COL4A5: variants seen among roughly 807,000 people sequenced by gnomAD.
COL4A5 encodes collagen type IV alpha 5 chain.
COL4A5 carries 26 observed loss-of-function variants against 130.2 expected under a neutral mutation model. The observed-to-expected ratio is 0.20, with a 90% CI of 0.15 to 0.28. The LOEUF (loss-of-function observed/expected upper bound fraction) is 0.28, where lower values mean the gene tolerates loss of function less well. Ranked by LOEUF, COL4A5 falls within the 10% of genes least tolerant of loss-of-function variation. The pLI is 1.00. For missense variants in COL4A5, 1,131 were observed against 1,344.3 expected, an observed-to-expected ratio of 0.84 and a Z score of 2.48; for synonymous variants, 496 against 439.6, an observed-to-expected ratio of 1.13 and a Z score of -1.60.
chrX:108,595,707 T>C, intron 22 of COL4A5, 106 bp downstream of exon 22: 1 of 601,826 alleles, frequency 1.7e-6, no homozygotes, highest in Non-Finnish European at 2.6e-6. Flanking sequence ...TAGTCACTCA[T>C]ATCTATAAAG....
intron 1 of COL4A5, among the ~76,000 whole-genome samples, chrX:108,492,882 T>C (rs978240244): frequency 9.0e-6 from 1 of 111,307 alleles, no homozygotes; most frequent in Admixed American, 9.6e-5. Context: ...TTTTGGTCTC[T>C]GACTTTAGAT....
rs376301165 is a variant in COL4A5, at chrX:108,519,201, G to C, written c.82-20545G>C. 6.3e-5 allele frequency among the ~76,000 whole-genome samples: 7 copies of C among 111,199 alleles called. No individual in the cohort carries two copies. In the East Asian group the frequency reaches 1.1e-3, roughly 18 times the overall value. On this transcript the variant is annotated intron_variant, in intron 1 of 52. Coordinates refer to ENST00000328300, the MANE Select transcript of COL4A5 (RefSeq NM_033380.3). ...AAATTTTCATCCTTGGACTAGTAAA[G>C]AATGGTCAGTCCACAAAAACAAAAT...
intron 19 of COL4A5, among the ~76,000 whole-genome samples, chrX:108,589,519 CTA>C (rs950050988): frequency 2.7e-5 from 3 of 110,848 alleles, no homozygotes; most frequent in African/African-American, 9.8e-5. Flanking sequence ...TTAAAAATAC[CTA>C]TATATAGTGC....
chrX:108,466,869 A>C (rs2064711621), intron 1 of COL4A5, among the ~76,000 whole-genome samples: 1 of 110,365 alleles, frequency 9.1e-6, no homozygotes, highest in Non-Finnish European at 1.9e-5. Flanking sequence ...CCCTATTTTC[A>C]AGTTGGGCCG....
chrX:108,638,192 A>T (rs1389645652), intron 36 of COL4A5, among the ~76,000 whole-genome samples: 2 of 111,349 alleles, frequency 1.8e-5, no homozygotes, highest in African/African-American at 6.5e-5. Flanking sequence ...AGCATACTGA[A>T]TTCAACAGCA....
In COL4A5 at chrX:108,667,189, C is replaced by T; in HGVS notation, c.3604+6C>T. On this transcript the variant is annotated splice_donor_region_variant and intron_variant, in intron 40 of 52. Coordinates refer to ENST00000328300, the MANE Select transcript of COL4A5 (RefSeq NM_033380.3). ...TGGACTTCCAGGACTTTCTGGTAAA[C>T]CTTAATAAAACATGCTAAATCAATC... The T allele has an allele frequency of 5.8e-6, 7 of 1,196,816 alleles. No homozygotes were observed. Among genetic ancestry groups the T allele is most frequent in the Non-Finnish European group, 7.9e-6 (7 of 882,084 alleles).
At chrX:108,671,851 AAGT>A (rs1036274522) in intron 42 of COL4A5, among the ~76,000 whole-genome samples, 1 of 111,894 alleles carries the variant, frequency 8.9e-6, no homozygotes, top group African/African-American at 3.2e-5. Flanking sequence ...GAAGGCCAAA[AAGT>A]AGGCCCAAGG....
chrX:108,498,783 G>A (rs997948244), intron 1 of COL4A5, among the ~76,000 whole-genome samples: 6 of 110,785 alleles, frequency 5.4e-5, no homozygotes, highest in Non-Finnish European at 7.6e-5. Flanking sequence ...CATTGTAAAT[G>A]GTATTAGTAT....
chrX:108,542,974 A>G (rs1284274858), intron 2 of COL4A5, among the ~76,000 whole-genome samples: 1 of 109,521 alleles, frequency 9.1e-6, no homozygotes, highest in East Asian at 2.9e-4. Context: ...TTTCTTGTAA[A>G]TATGTTTGAG....
chrX:108,656,602 G>A (rs934549485), intron 37 of COL4A5, among the ~76,000 whole-genome samples: 1 of 111,719 alleles, frequency 9.0e-6, no homozygotes, highest in African/African-American at 3.2e-5. Flanking sequence ...AACATGGTTT[G>A]TAAATTAGTT....
chrX:108,696,166 G>T, intron 52 of COL4A5, 131 bp from the exon 53 acceptor site: 1 of 556,018 alleles, frequency 1.8e-6, no homozygotes, highest in South Asian at 2.5e-5. Context: ...TCATATTGCT[G>T]AAAAGTAAAC....
In COL4A5 at chrX:108,608,917, A is replaced by T. The variant is rs1211535730; in HGVS notation, c.2395+2025A>T. 2.7e-5 allele frequency among the ~76,000 whole-genome samples: 3 copies of T among 111,556 alleles called. No homozygotes were observed. The East Asian group carries it at 8.4e-4, about 31-fold the overall frequency. ...TTATAAATGGAAACATACGGTATGT[A>T]CTTTCTTTCTGAGGCTTCTTTCACT... On this transcript the variant is annotated intron_variant, in intron 29 of 52. Transcript: ENST00000328300.
In COL4A5 at chrX:108,580,471, C is replaced by T. The variant is rs1030716930; in HGVS notation, c.781-62C>T. On this transcript the variant is annotated intron_variant, in intron 13 of 52. Coordinates refer to ENST00000328300, the MANE Select transcript of COL4A5 (RefSeq NM_033380.3). ...AAAATGCTCCTAGCTAGCTCTAGTG[C>T]TTAGAATGAAAATGCATGTTCCAGT... is the stretch of plus-strand genomic sequence containing the variant. 4.1e-6 allele frequency: 4 copies of T among 974,001 alleles called. No homozygotes were observed. The East Asian group carries it at 9.2e-5, about 22-fold the overall frequency. The allele number at this position is 974,001 out of a possible 1,213,427, so 80.3% of individuals were successfully genotyped here.
At chrX:108,602,867 G>T (rs943913248) in intron 27 of COL4A5, 97 bp from the exon 28 acceptor site, 18 of 592,422 alleles carry the variant, frequency 3.0e-5, no homozygotes, top group Non-Finnish European at 5.1e-5. Context: ...TCTTACTGTT[G>T]TCACTAAGCA....
At chrX:108,504,844 A>T (rs1320532520) in intron 1 of COL4A5, among the ~76,000 whole-genome samples, 1 of 112,163 alleles carries the variant, frequency 8.9e-6, no homozygotes, top group Non-Finnish European at 1.9e-5. Context: ...TTTCTCAAAG[A>T]ACTCAAAGTA....
chrX:108,443,444 T>C (rs1368960393), intron 1 of COL4A5, among the ~76,000 whole-genome samples: 1 of 112,188 alleles, frequency 8.9e-6, no homozygotes, highest in Non-Finnish European at 1.9e-5. Context: ...GGAGCATGTC[T>C]ATTGTGAAAC....
chrX:108,473,016 G>A (rs1181033824), intron 1 of COL4A5, among the ~76,000 whole-genome samples: 1 of 111,908 alleles, frequency 8.9e-6, no homozygotes, highest in Non-Finnish European at 1.9e-5. Context: ...GGTGATTAAA[G>A]ATGTTGGACA....
At chrX:108,612,259 T>C (rs1173956012) in intron 29 of COL4A5, among the ~76,000 whole-genome samples, 3 of 111,115 alleles carry the variant, frequency 2.7e-5, no homozygotes, top group African/African-American at 9.8e-5. Context: ...CCATATTTGA[T>C]GGTATGAAAA....
chrX:108,562,606 T>C (rs1276327744), intron 3 of COL4A5, among the ~76,000 whole-genome samples: 1 of 111,572 alleles, frequency 9.0e-6, no homozygotes, highest in African/African-American at 3.3e-5. Context: ...TAAACTGCTT[T>C]CTAAACTTTC....
Sources: gnomAD v4.1 joint callset for allele counts (sites outside exome capture counted in the v4.1 genomes callset) on GRCh38, gnomAD v4.1.1 for gene constraint, MANE v1.5 for transcripts, NCBI Gene and HGNC (gene_info 2026-07-23, HGNC 2026-07-21) for gene names.